PNPLA7: variants seen among roughly 807,000 people sequenced by gnomAD.
PNPLA7 encodes patatin like domain 7, lysophospholipase.
PNPLA7 carries 153 observed loss-of-function variants against 161.7 expected under a neutral mutation model. The ratio of observed to expected loss-of-function variants is 0.95; its 90% CI spans 0.83 to 1.08. PNPLA7 has a LOEUF of 1.08. Ranked by LOEUF, PNPLA7 falls within the 50% of genes least tolerant of loss-of-function variation. The pLI is 0.00. For synonymous variants in PNPLA7, 809 were observed against 782.1 expected (o/e 1.03, Z -0.57); for missense variants, 1,739 against 1,856.6 (o/e 0.94, Z 1.16).
chr9:137,505,160 C>A (rs1292580080), intron 14 of PNPLA7, among the ~76,000 whole-genome samples: 1 of 120,370 alleles, frequency 8.3e-6, no homozygotes, highest in Non-Finnish European at 1.6e-5. Flanking sequence ...TGCACTCCAG[C>A]CTGGGCGATA....
rs1420320642 is a variant in PNPLA7 at position 137,524,833 on chromosome 9, C to G, written c.748-1976G>C. On this transcript the variant is annotated intron_variant, in intron 8 of 34. Transcript: ENST00000406427. The surrounding 1 kb of genome is among the most constrained non-coding windows in gnomAD (Gnocchi z 4.4). ...GTGGAATGAGTTTCCGTGGATGCCC[C>G]GTGGAATGAGTTTCCTTGGATGCCC... is the stretch of plus-strand genomic sequence containing the variant. Among the ~76,000 whole-genome samples, 1 of 148,320 alleles carries G rather than the reference C, an allele frequency of 6.7e-6. No individual in the cohort carries two copies. Among genetic ancestry groups the G allele is most frequent in the South Asian group, 2.1e-4 (1 of 4,792 alleles).
intron 13 of PNPLA7, 57 bp from the exon 14 acceptor site, chr9:137,505,817 C>A (rs1052247977): frequency 1.2e-6 from 2 of 1,600,834 alleles, no homozygotes; most frequent in African/African-American, 2.7e-5. Flanking sequence ...GAACATCGCA[C>A]AAGGGTGTGG....
In PNPLA7 at chr9:137,521,634, A is replaced by G; in HGVS notation, c.957+2T>C. The stretch of plus-strand genomic sequence containing the variant: ...GGGCTTTGTGAGGTGGTTTTCACTT[A>G]CAGCGTTGAAGAGCTCTGTGGTCAG... On this transcript the variant is annotated splice_donor_variant, in intron 10 of 34. Coordinates refer to ENST00000406427, the MANE Select transcript of PNPLA7 (RefSeq NM_001098537.3). LOFTEE classifies it high-confidence loss of function. 6.2e-7 allele frequency: 1 copy of G among 1,612,312 alleles called. No homozygotes were observed. The highest frequency in any genetic ancestry group is 8.5e-7 in the Non-Finnish European group (1 of 1,179,720).
At chr9:137,529,583 T>C (rs1835471207) in intron 8 of PNPLA7, among the ~76,000 whole-genome samples, 1 of 152,142 alleles carries the variant, frequency 6.6e-6, no homozygotes. Flanking sequence ...GCCTTGGTTC[T>C]GATGCTTTGC....
intron 21 of PNPLA7, among the ~76,000 whole-genome samples, chr9:137,483,149 G>GGCGT (rs1832306248): frequency 6.6e-6 from 1 of 152,204 alleles, no homozygotes; most frequent in Non-Finnish European, 1.5e-5. Context: ...TGGGATTACA[G>GGCGT]GCGTGAGCCA....
rs531027756 is a variant in PNPLA7 at position 137,541,409 on chromosome 9, C to T, written c.667-687G>A. The T allele has an allele frequency of 7.1e-6, 7 of 985,268 alleles. No individual in the cohort carries two copies. The highest frequency in any genetic ancestry group is 9.4e-5 in the South Asian group (2 of 21,288). The allele number at this position is 985,268 out of a possible 1,614,324, so 61.0% of individuals were successfully genotyped here. On this transcript the variant is annotated intron_variant, in intron 7 of 34. Transcript: ENST00000406427. This position sits in a 1 kb window ranked among gnomAD's most constrained non-coding sequence, Gnocchi z 4.4. ...CCATCAAGTCCAGCCACAGACAAAG[C>T]GACAAACCTGAGAACCAAATAATTT...
chr9:137,540,628 AGC>A lies in PNPLA7; in HGVS notation c.747+12_747+13del, dbSNP rs753250168. ...CCCAGGGGCGCCCGGAGGGCCAGGC[AGC>A]GGGGGACTCACGGTGATGATGTCCA... is the stretch of plus-strand genomic sequence containing the variant. On this transcript the variant is annotated intron_variant, in intron 8 of 34. Coordinates refer to ENST00000406427, the MANE Select transcript of PNPLA7 (RefSeq NM_001098537.3). This position sits in a 1 kb window ranked among gnomAD's most constrained non-coding sequence, Gnocchi z 5.1. 6.9e-6 allele frequency: 11 copies of A among 1,605,306 alleles called. No homozygotes were observed. In the South Asian group the frequency reaches 1.2e-4, roughly 18 times the overall value.
intron 20 of PNPLA7, chr9:137,491,768 T>C: frequency 1.0e-6 from 1 of 985,450 alleles, no homozygotes; most frequent in South Asian, 4.7e-5. Context: ...CACACGTCAC[T>C]GTGTGAACAC....
intron 21 of PNPLA7, among the ~76,000 whole-genome samples, chr9:137,482,807 T>TG (rs1316436386): frequency 6.6e-6 from 1 of 152,240 alleles, no homozygotes; most frequent in East Asian, 1.9e-4. Flanking sequence ...GAAGGGCACA[T>TG]GGGGTCTCTC....
At chr9:137,550,130 C>T in intron 1 of PNPLA7, 38 bp downstream of exon 1, 1 of 1,612,344 alleles carries the variant, frequency 6.2e-7, no homozygotes, top group Non-Finnish European at 8.5e-7. Flanking sequence ...TGCCCCCCAA[C>T]TGGGAAATCC....
At chr9:137,503,279 G>A (rs1833601052) in intron 14 of PNPLA7, among the ~76,000 whole-genome samples, 1 of 152,062 alleles carries the variant, frequency 6.6e-6, no homozygotes, top group South Asian at 2.1e-4. Context: ...TACTCAGGAG[G>A]CTGAGGTGGG....
chr9:137,548,540 G>C (rs1020440168), intron 1 of PNPLA7, among the ~76,000 whole-genome samples: 1 of 152,194 alleles, frequency 6.6e-6, no homozygotes, highest in Non-Finnish European at 1.5e-5. Flanking sequence ...ATGAGGTCAG[G>C]AGATCGAGAC....
Position 137,541,374 on chromosome 9 carries a change from T to C in PNPLA7, c.667-652A>G. ...CCAGCTTCCCCCAAGCCCCTTTCCC[T>C]TCTAATAACCCATCAAGTCCAGCCA... is the stretch of plus-strand genomic sequence containing the variant. On this transcript the variant is annotated intron_variant, in intron 7 of 34. Coordinates refer to ENST00000406427, the MANE Select transcript of PNPLA7 (RefSeq NM_001098537.3). This position sits in a 1 kb window ranked among gnomAD's most constrained non-coding sequence, Gnocchi z 4.4. 1.0e-6 allele frequency: 1 copy of C among 970,682 alleles called. No individual in the cohort carries two copies. Among genetic ancestry groups the C allele is most frequent in the East Asian group, 1.2e-4 (1 of 8,690 alleles). The allele number at this position is 970,682 out of a possible 1,614,324, so 60.1% of individuals were successfully genotyped here. A position where few individuals can be genotyped will look rare whatever the true frequency, so the allele number is the denominator to read the frequency against.
chr9:137,549,378 T>C (rs545067923), intron 1 of PNPLA7, among the ~76,000 whole-genome samples: 30 of 152,088 alleles, frequency 2.0e-4, no homozygotes, highest in South Asian at 8.3e-4. Flanking sequence ...CCATCCTGGC[T>C]AACACAGTGA....
At position 137,542,819 on chromosome 9, in the gene PNPLA7, C is replaced by T; in HGVS notation, c.507-18G>A. 2 of 1,600,350 alleles carry T rather than the reference C, an allele frequency of 1.2e-6. No homozygotes were observed. Reference sequence around the variant, plus strand: ...CCAGGACCCTGCAAGAGCCAGAGGGCACTGTGGGACGCCCTTCCAGGGGAG... The same window carrying T: ...CCAGGACCCTGCAAGAGCCAGAGGGTACTGTGGGACGCCCTTCCAGGGGAG... On this transcript the variant is annotated intron_variant, in intron 6 of 34. Transcript: ENST00000406427.
At chr9:137,475,194 C>G (rs189111686) in intron 25 of PNPLA7, among the ~76,000 whole-genome samples, 1 of 151,504 alleles carries the variant, frequency 6.6e-6, no homozygotes, top group Non-Finnish European at 1.5e-5. Context: ...GAAGGCCCAT[C>G]ATGCACTTTC....
intron 8 of PNPLA7, among the ~76,000 whole-genome samples, chr9:137,525,669 G>A (rs940923876): frequency 2.0e-5 from 3 of 150,598 alleles, no homozygotes; most frequent in Admixed American, 6.6e-5. Context: ...GGCGTAACAC[G>A]AAAGTGGACC....
intron 12 of PNPLA7, among the ~76,000 whole-genome samples, chr9:137,512,000 T>C (rs760692347): frequency 5.3e-5 from 8 of 152,180 alleles, no homozygotes; most frequent in East Asian, 1.9e-4. Context: ...ATACAATAAA[T>C]AGCAGTGCGT....
At position 137,467,494 on chromosome 9, in the gene PNPLA7, G is replaced by A. The variant is rs1831532262; in HGVS notation, c.2883-21C>T. The A allele has an allele frequency of 3.1e-6, 5 of 1,611,156 alleles. No homozygotes were observed. Among genetic ancestry groups the A allele is most frequent in the African/African-American group, 1.3e-5 (1 of 74,928 alleles). Reference sequence around the variant, plus strand: ...AGCCTCTACACCAGCCAGGGACACAGAGCAAGGAGTGAGTACCAGGCCCAG... The same window carrying A: ...AGCCTCTACACCAGCCAGGGACACAAAGCAAGGAGTGAGTACCAGGCCCAG... On this transcript the variant is annotated intron_variant, in intron 25 of 34. Transcript: ENST00000406427. The surrounding 1 kb of genome is among the most constrained non-coding windows in gnomAD (Gnocchi z 5.1).
Sources: allele counts gnomAD v4.1 joint callset (sites outside exome capture counted in the v4.1 genomes callset), GRCh38; gene constraint gnomAD v4.1.1; non-coding constraint Gnocchi (gnomAD v3.1); transcripts MANE v1.5; gene names NCBI Gene and HGNC (gene_info 2026-07-23, HGNC 2026-07-21).